ATRNL1: variants seen among roughly 807,000 people sequenced by gnomAD.
ATRNL1 encodes the protein attractin-like protein 1.
ATRNL1 carries 95 observed loss-of-function variants against 182.7 expected under a neutral mutation model. The observed-to-expected ratio is 0.52, with a 90% confidence interval of 0.44 to 0.62. The LOEUF is 0.62. Among genes scored for constraint, ATRNL1 ranks in the 20% least tolerant of loss-of-function variants. ATRNL1 has a pLI of 0.00. For missense variants in ATRNL1, 1,471 were observed against 1,679.5 expected (o/e 0.88, Z 2.17); for synonymous variants, 576 against 568.3 (o/e 1.01, Z -0.19).
chr10:115,373,420 CG>C (rs1857498605), intron 19 of ATRNL1, among the ~76,000 whole-genome samples: 3 of 151,852 alleles, frequency 2.0e-5, no homozygotes, highest in Admixed American at 2.0e-4. Flanking sequence ...TGGTGAGTGT[CG>C]GAAACCTTGT....
chr10:115,797,200 C>T (rs1208360954), intron 27 of ATRNL1, among the ~76,000 whole-genome samples: 1 of 152,080 alleles, frequency 6.6e-6, no homozygotes, highest in Non-Finnish European at 1.5e-5. Context: ...AGTTATTAGA[C>T]AACTCAGGCC....
intron 1 of ATRNL1, among the ~76,000 whole-genome samples, chr10:115,099,329 GC>G (rs2085101191): frequency 6.6e-6 from 1 of 152,276 alleles, no homozygotes; most frequent in Admixed American, 6.5e-5. Flanking sequence ...CCATTCAACT[GC>G]TGATGGACAT....
chr10:115,780,098 C>T (rs1949226130), intron 27 of ATRNL1, among the ~76,000 whole-genome samples: 1 of 152,206 alleles, frequency 6.6e-6, no homozygotes, highest in Non-Finnish European at 1.5e-5. Context: ...TGCCACTCCT[C>T]CTTCATCCCC....
chr10:115,535,508 T>C (rs1554989933), intron 25 of ATRNL1, among the ~76,000 whole-genome samples: 1 of 151,288 alleles, frequency 6.6e-6, no homozygotes, highest in Non-Finnish European at 1.5e-5. Flanking sequence ...TATACATTAG[T>C]CTAAATTTTT....
chr10:115,324,525 C>A (rs1221089072), intron 18 of ATRNL1, among the ~76,000 whole-genome samples: 1 of 152,086 alleles, frequency 6.6e-6, no homozygotes, highest in Non-Finnish European at 1.5e-5. Context: ...GTTTTCAGAG[C>A]AGGTTTGTAT....
chr10:115,777,282 A>G (rs1017571372), intron 27 of ATRNL1, among the ~76,000 whole-genome samples: 3 of 152,174 alleles, frequency 2.0e-5, no homozygotes, highest in Admixed American at 1.3e-4. Context: ...AGGATTTTAA[A>G]ATTGTTACTA....
At chr10:115,695,051 AG>A (rs1410583565) in intron 26 of ATRNL1, among the ~76,000 whole-genome samples, 2 of 152,154 alleles carry the variant, frequency 1.3e-5, no homozygotes, top group African/African-American at 4.8e-5. Context: ...TAAATACCAA[AG>A]GAATACTGTT....
chr10:115,701,226 T>A (rs553355650), intron 26 of ATRNL1, among the ~76,000 whole-genome samples: 2 of 152,070 alleles, frequency 1.3e-5, no homozygotes, highest in African/African-American at 2.4e-5. Flanking sequence ...ACAACAAAAT[T>A]AAGGCAGGAA....
chr10:115,203,545 A>G (rs1209594205), intron 8 of ATRNL1, among the ~76,000 whole-genome samples: 1 of 146,348 alleles, frequency 6.8e-6, no homozygotes, highest in African/African-American at 2.5e-5. Context: ...GCCTCTTAGG[A>G]TTCTTAAAAG....
At chr10:115,771,494 T>C (rs1948991193) in intron 27 of ATRNL1, among the ~76,000 whole-genome samples, 2 of 152,178 alleles carry the variant, frequency 1.3e-5, no homozygotes, top group African/African-American at 4.8e-5. Context: ...CCTCCCAAAG[T>C]GCTGGGATTA....
chr10:115,430,385 G>C (rs1846101220), intron 21 of ATRNL1, among the ~76,000 whole-genome samples: 2 of 151,474 alleles, frequency 1.3e-5, no homozygotes, highest in South Asian at 4.1e-4. Flanking sequence ...GTTTGTTGTT[G>C]TTTTGCCTAT....
In ATRNL1 at chr10:115,738,125, G is replaced by GTT. The variant is rs1565334914; in HGVS notation, c.3903+10770_3903+10771insTT. Among the ~76,000 whole-genome samples the GTT allele has an allele frequency of 1.1e-3, 60 of 53,192 alleles. 4 individuals carry two copies. The highest frequency in any genetic ancestry group is 1.5e-3 in the Admixed American group (5 of 3,250). The allele number at this position is 53,192 out of a possible 152,430, so 34.9% of individuals were successfully genotyped here. A position where few individuals can be genotyped will look rare whatever the true frequency, so the allele number is the denominator to read the frequency against. ...CATAAAAAATGATTTAGAAGATAAT[G>GTT]ATTTTTTTTTTTTTTTTTTTTTTTT... On this transcript the variant is annotated intron_variant, in intron 27 of 28. Coordinates refer to ENST00000355044, the MANE Select transcript of ATRNL1 (RefSeq NM_207303.4).
intron 26 of ATRNL1, among the ~76,000 whole-genome samples, chr10:115,677,510 C>T (rs561172683): frequency 1.2e-4 from 18 of 152,118 alleles, no homozygotes; most frequent in African/African-American, 4.3e-4. Flanking sequence ...GCTTGTCTTT[C>T]CCATGCTAGT....
At position 115,266,473 on chromosome 10, in the gene ATRNL1, A is replaced by G. The variant is rs1420389391; in HGVS notation, c.1773-324A>G. On this transcript the variant is annotated intron_variant, in intron 11 of 28. Transcript: ENST00000355044. ...AAATACTTATTTTTCTGACAAAGGA[A>G]TATTGTATATAATCATTGTTTCTTT... 3.3e-5 allele frequency among the ~76,000 whole-genome samples: 5 copies of G among 151,600 alleles called. No homozygotes were observed. The East Asian group carries it at 9.6e-4, about 29-fold the overall frequency.
At chr10:115,617,354 T>G (rs541260099) in intron 26 of ATRNL1, among the ~76,000 whole-genome samples, 36 of 130,904 alleles carry the variant, frequency 2.8e-4, no homozygotes, top group South Asian at 1.2e-3. Context: ...ACTAACTTGG[T>G]TTTTTTTTGT....
intron 24 of ATRNL1, among the ~76,000 whole-genome samples, chr10:115,514,110 G>C (rs1850522021): frequency 6.6e-6 from 1 of 151,902 alleles, no homozygotes; most frequent in Admixed American, 6.6e-5. Flanking sequence ...AGCAGGAGTT[G>C]GTTGAGGTCT....
chr10:115,732,600 T>A (rs1187050513), intron 27 of ATRNL1, among the ~76,000 whole-genome samples: 13 of 152,058 alleles, frequency 8.5e-5, no homozygotes, highest in Non-Finnish European at 2.9e-5. Context: ...ATATTTCATC[T>A]TTTTTTTCTA....
chr10:115,933,083 C>T (rs1007389660), intron 28 of ATRNL1, among the ~76,000 whole-genome samples: 2 of 152,208 alleles, frequency 1.3e-5, no homozygotes, highest in Non-Finnish European at 2.9e-5. Context: ...CAGATTCTTC[C>T]CTTTGGCAAG....
intron 9 of ATRNL1, among the ~76,000 whole-genome samples, chr10:115,219,195 G>C (rs1477871959): frequency 6.8e-6 from 1 of 146,674 alleles, no homozygotes; most frequent in African/African-American, 2.6e-5. Context: ...TCGCGCCACT[G>C]CACTCCAGTC....
Sources: allele counts gnomAD v4.1 joint callset (sites outside exome capture counted in the v4.1 genomes callset), GRCh38; gene constraint gnomAD v4.1.1; transcripts MANE v1.5; gene names NCBI Gene and HGNC (gene_info 2026-07-23, HGNC 2026-07-21).